The following RAP1GAP2 variants were observed in gnomAD, a reference collection of about 807,000 sequenced individuals.
The protein encoded by RAP1GAP2 is rap1 GTPase-activating protein 2.
A neutral mutation model predicts 95.0 loss-of-function variants in RAP1GAP2; 27 were observed. That is an observed-to-expected ratio of 0.28 (90% CI 0.21 to 0.39). The LOEUF is 0.39. Among genes scored for constraint, RAP1GAP2 ranks in the 10% least tolerant of loss-of-function variants. The pLI is 1.00. For missense variants in RAP1GAP2, 771 were observed against 970.0 expected, an observed-to-expected ratio of 0.79 and a Z score of 2.72; for synonymous variants, 373 against 380.9, an observed-to-expected ratio of 0.98 and a Z score of 0.24.
intron 3 of RAP1GAP2, among the ~76,000 whole-genome samples, chr17:2,946,617 C>T (rs1411343359): frequency 6.6e-6 from 1 of 152,218 alleles, no homozygotes. Context: ...TCTGGTATCT[C>T]TGCTGAGAGA....
chr17:2,863,430 C>T (rs1035204605), intron 2 of RAP1GAP2, among the ~76,000 whole-genome samples: 5 of 152,146 alleles, frequency 3.3e-5, no homozygotes, highest in African/African-American at 9.7e-5. Flanking sequence ...GAGCTGGGGA[C>T]GCCTCTGGAG....
intron 3 of RAP1GAP2, among the ~76,000 whole-genome samples, chr17:2,947,497 C>G (rs779380115): frequency 2.6e-5 from 4 of 152,202 alleles, no homozygotes; most frequent in Non-Finnish European, 5.9e-5. Flanking sequence ...CCGCTTGCTT[C>G]GTTGCATCTT....
chr17:2,885,646 C>G (rs530548863), intron 2 of RAP1GAP2, among the ~76,000 whole-genome samples: 1 of 152,334 alleles, frequency 6.6e-6, no homozygotes, highest in South Asian at 2.1e-4. Flanking sequence ...GGTCTAGGGG[C>G]TGAAGCAGTG....
At position 2,824,681 on chromosome 17, in the gene RAP1GAP2, A is replaced by G. The variant is rs367692372; in HGVS notation, c.80+24131A>G. Among the ~76,000 whole-genome samples the G allele has an allele frequency of 2.2e-4, 33 of 147,684 alleles. 1 individual carries two copies. The East Asian group carries it at 5.1e-3, about 23-fold the overall frequency. On this transcript the variant is annotated intron_variant, in intron 2 of 24. Coordinates refer to ENST00000254695, the MANE Select transcript of RAP1GAP2 (RefSeq NM_015085.5). The stretch of plus-strand genomic sequence containing the variant: ...CTTGAACCTGGGAGGCGGAGGTTGC[A>G]GTGAGCCGAGATTGCGCCATTGCAC...
At chr17:2,961,407 C>T (rs1004297760) in intron 4 of RAP1GAP2, among the ~76,000 whole-genome samples, 11 of 146,342 alleles carry the variant, frequency 7.5e-5, no homozygotes, top group African/African-American at 2.6e-4. Context: ...CTCAGCTACT[C>T]GGGAGGCCGA....
upstream of RAP1GAP2, among the ~76,000 whole-genome samples, chr17:2,795,529 C>A (rs762318868): frequency 1.1e-4 from 16 of 152,220 alleles, no homozygotes; most frequent in Non-Finnish European, 1.5e-4. Context: ...TACCGCCCCC[C>A]CACCCCACAC....
At chr17:2,923,215 T>A (rs1030966066) in intron 3 of RAP1GAP2, among the ~76,000 whole-genome samples, 50 of 151,952 alleles carry the variant, frequency 3.3e-4, no homozygotes, top group Non-Finnish European at 1.2e-4. Context: ...AATTTTTGTA[T>A]TTTTAATAGA....
In RAP1GAP2 at chr17:2,871,976, C is replaced by T. The variant is rs1597477728; in HGVS notation, c.81-33308C>T. ...TGGTGGCTCACGCCTGGAATCTCAG[C>T]GCTTTTGGAGGCTGAGGTGGGTGAA... On this transcript the variant is annotated intron_variant, in intron 2 of 24. Transcript: ENST00000254695. The surrounding 1 kb of genome is among the most constrained non-coding windows in gnomAD (Gnocchi z 5.0). 1.3e-5 allele frequency among the ~76,000 whole-genome samples: 2 copies of T among 151,960 alleles called. No individual in the cohort carries two copies. The highest frequency in any genetic ancestry group is 2.1e-4 in the South Asian group (1 of 4,816).
intron 1 of RAP1GAP2, among the ~76,000 whole-genome samples, chr17:2,777,496 C>T (rs1056794409): frequency 2.0e-5 from 3 of 152,072 alleles, no homozygotes; most frequent in Non-Finnish European, 4.4e-5. Flanking sequence ...TTCCAGAGGC[C>T]TGGATGGGTG....
chr17:2,838,672 A>G (rs1012281799), intron 2 of RAP1GAP2, among the ~76,000 whole-genome samples: 4 of 152,140 alleles, frequency 2.6e-5, no homozygotes, highest in African/African-American at 9.7e-5. Flanking sequence ...GAATTGGCGC[A>G]GTGATTCCGA....
chr17:2,795,829 G>A (rs546440692), upstream of RAP1GAP2, among the ~76,000 whole-genome samples: 8 of 152,224 alleles, frequency 5.3e-5, no homozygotes, highest in South Asian at 2.1e-4. Flanking sequence ...CGTGTGTGCC[G>A]CGCTGTGCTC....
intron 10 of RAP1GAP2, among the ~76,000 whole-genome samples, chr17:2,981,666 C>T (rs1339369027): frequency 6.6e-6 from 1 of 152,176 alleles, no homozygotes; most frequent in Non-Finnish European, 1.5e-5. Flanking sequence ...ACAGCCGCCC[C>T]GCCATTGCCT....
intron 2 of RAP1GAP2, among the ~76,000 whole-genome samples, chr17:2,845,059 T>C (rs1017888924): frequency 1.3e-5 from 2 of 152,208 alleles, no homozygotes. Flanking sequence ...ACACTGTGCC[T>C]AGTACCCTCA....
At chr17:2,766,546 G>A (rs914574563) in intron 1 of RAP1GAP2, among the ~76,000 whole-genome samples, 4 of 151,988 alleles carry the variant, frequency 2.6e-5, no homozygotes, top group African/African-American at 9.7e-5. Context: ...GGAGGTGGAG[G>A]TTGCTGTGAG....
chr17:2,984,775 G>A (rs761690219), intron 10 of RAP1GAP2, among the ~76,000 whole-genome samples: 1 of 152,160 alleles, frequency 6.6e-6, no homozygotes, highest in Non-Finnish European at 1.5e-5. Context: ...TCCTACTGGG[G>A]AAGCCCAAGT....
intron 2 of RAP1GAP2, among the ~76,000 whole-genome samples, chr17:2,897,242 G>A (rs1184931188): frequency 6.6e-6 from 1 of 152,036 alleles, no homozygotes; most frequent in Non-Finnish European, 1.5e-5. Context: ...GGAGGCTGAG[G>A]CAGGAGAATT....
At chr17:2,939,391 ACT>A (rs1481982175) in intron 3 of RAP1GAP2, among the ~76,000 whole-genome samples, 1 of 152,196 alleles carries the variant, frequency 6.6e-6, no homozygotes, top group Non-Finnish European at 1.5e-5. Flanking sequence ...TGCCCGGCGC[ACT>A]TACTCTTTTA....
intron 23 of RAP1GAP2, among the ~76,000 whole-genome samples, chr17:3,031,764 A>G (rs1412302724): frequency 2.9e-5 from 4 of 139,378 alleles, no homozygotes; most frequent in Non-Finnish European, 1.5e-5. Flanking sequence ...AGCTCACCAG[A>G]CTATCGAGAG....
intron 12 of RAP1GAP2, among the ~76,000 whole-genome samples, chr17:2,993,745 G>GA (rs1312543204): frequency 6.6e-6 from 1 of 151,524 alleles, no homozygotes; most frequent in African/African-American, 2.4e-5. Flanking sequence ...TTTAAAATGT[G>GA]AAAAAACGGC....
Sources: allele counts gnomAD v4.1 joint callset (sites outside exome capture counted in the v4.1 genomes callset), GRCh38; gene constraint gnomAD v4.1.1; non-coding constraint Gnocchi (gnomAD v3.1); transcripts MANE v1.5; gene names NCBI Gene and HGNC (gene_info 2026-07-23, HGNC 2026-07-21).